Variants in MACROD2 observed in about 807,000 individuals in gnomAD.
MACROD2 encodes ADP-ribose glycohydrolase MACROD2.
MACROD2 carries 36 observed loss-of-function variants against 70.4 expected under a neutral mutation model. The observed-to-expected ratio is 0.51, with a 90% CI of 0.39 to 0.68. The LOEUF is 0.68. MACROD2 is among the 30% of genes least tolerant of loss of function. MACROD2 has a pLI of 0.00. For missense variants in MACROD2, 496 were observed against 538.4 expected, an observed-to-expected ratio of 0.92 and a Z score of 0.78; for synonymous variants, 172 against 178.8, an observed-to-expected ratio of 0.96 and a Z score of 0.30.
chr20:15,582,097 G>A (rs2048532862), intron 8 of MACROD2, among the ~76,000 whole-genome samples: 2 of 151,298 alleles, frequency 1.3e-5, no homozygotes, highest in African/African-American at 2.4e-5. Context: ...ACTCCAGCCT[G>A]GGCGACAGTG....
At chr20:14,398,120 C>T (rs1433909923) in intron 3 of MACROD2, among the ~76,000 whole-genome samples, 4 of 151,996 alleles carry the variant, frequency 2.6e-5, no homozygotes, top group Non-Finnish European at 5.9e-5. Flanking sequence ...GTGTATGTAT[C>T]AATCACATTT....
At chr20:14,013,573 G>C (rs1325677687) in intron 2 of MACROD2, among the ~76,000 whole-genome samples, 1 of 151,490 alleles carries the variant, frequency 6.6e-6, no homozygotes, top group Non-Finnish European at 1.5e-5. Flanking sequence ...TGCCCAGCTG[G>C]CTCAACTGTA....
chr20:15,850,007 A>G (rs2064278615), intron 8 of MACROD2, among the ~76,000 whole-genome samples: 1 of 152,210 alleles, frequency 6.6e-6, no homozygotes, highest in African/African-American at 2.4e-5. Context: ...CCCGTACCTT[A>G]TCGGAGTGAG....
chr20:15,793,080 G>A (rs955114515), intron 8 of MACROD2, among the ~76,000 whole-genome samples: 3 of 151,984 alleles, frequency 2.0e-5, no homozygotes, highest in Non-Finnish European at 4.4e-5. Flanking sequence ...TTAAAGTGAC[G>A]ATCACTGTGT....
At chr20:15,097,972 A>G (rs2075846315) in intron 5 of MACROD2, among the ~76,000 whole-genome samples, 2 of 152,172 alleles carry the variant, frequency 1.3e-5, no homozygotes, top group African/African-American at 4.8e-5. Context: ...TCTTTATGTT[A>G]CTTATCACAA....
chr20:15,345,184 G>C (rs562321400), intron 6 of MACROD2, among the ~76,000 whole-genome samples: 2 of 152,154 alleles, frequency 1.3e-5, no homozygotes, highest in Non-Finnish European at 2.9e-5. Context: ...ATGCCATCAC[G>C]TTAGGGGAAG....
Position 13,995,750 on chromosome 20 carries a change from A to G in MACROD2, c.-14A>G. 7.3e-7 allele frequency: 1 copy of G among 1,367,260 alleles called. No individual in the cohort carries two copies. The highest frequency in any genetic ancestry group is 9.7e-7 in the Non-Finnish European group (1 of 1,026,254). 84.7% of individuals were successfully genotyped at this position (1,367,260 alleles called of 1,614,324 possible). On this transcript the variant is annotated 5_prime_UTR_variant, in exon 1 of 18. Transcript: ENST00000684519. The surrounding 1 kb of genome is among the most constrained non-coding windows in gnomAD (Gnocchi z 4.3). ...GGGAACTTGCAGCTTAAAGCCAGCC[A>G]CCCCCACGGCAACATGTACCCCAGC...
chr20:15,806,002 T>G lies in MACROD2; in HGVS notation c.646-56743T>G, dbSNP rs182198673. On this transcript the variant is annotated intron_variant, in intron 8 of 17. Transcript: ENST00000684519. ...AGAATTTCCTGAAGCAACCTTACAG[T>G]TCATCAGAATAGGGCTCATTTCTCC... Among the ~76,000 whole-genome samples the G allele has an allele frequency of 8.5e-5, 13 of 152,316 alleles. No homozygotes were observed. In the East Asian group the frequency reaches 2.5e-3, roughly 29 times the overall value.
intron 6 of MACROD2, among the ~76,000 whole-genome samples, chr20:15,236,238 G>A (rs1046966229): frequency 2.0e-5 from 3 of 152,164 alleles, no homozygotes; most frequent in Non-Finnish European, 4.4e-5. Flanking sequence ...TCCTCAGAGG[G>A]CACAGAGGTA....
intron 7 of MACROD2, among the ~76,000 whole-genome samples, chr20:15,446,202 C>T (rs1392537000): frequency 6.6e-6 from 1 of 152,130 alleles, no homozygotes; most frequent in African/African-American, 2.4e-5. Flanking sequence ...CACCTTCAGC[C>T]ATTGGGTTCA....
intron 5 of MACROD2, among the ~76,000 whole-genome samples, chr20:14,746,419 A>C (rs1251220506): frequency 6.6e-6 from 1 of 152,178 alleles, no homozygotes. Flanking sequence ...CAAATAGTTT[A>C]GTGTAAAAGG....
intron 5 of MACROD2, among the ~76,000 whole-genome samples, chr20:15,045,738 T>G (rs1019892894): frequency 2.0e-5 from 3 of 147,122 alleles, no homozygotes; most frequent in East Asian, 2.0e-4. Context: ...TTTTTTTTTT[T>G]TTTTTTCCCT....
At chr20:15,701,421 C>A (rs990664832) in intron 8 of MACROD2, among the ~76,000 whole-genome samples, 1 of 152,104 alleles carries the variant, frequency 6.6e-6, no homozygotes, top group Non-Finnish European at 1.5e-5. Flanking sequence ...ATTCTACTTT[C>A]AATTATTCGT....
At chr20:16,018,151 C>T (rs969324078) in intron 15 of MACROD2, among the ~76,000 whole-genome samples, 13 of 152,114 alleles carry the variant, frequency 8.5e-5, no homozygotes, top group African/African-American at 3.1e-4. Flanking sequence ...TATGAGATGG[C>T]TCAGGAAGGC....
At chr20:15,957,010 A>G (rs1278668284) in intron 12 of MACROD2, among the ~76,000 whole-genome samples, 2 of 152,210 alleles carry the variant, frequency 1.3e-5, no homozygotes, top group Non-Finnish European at 2.9e-5. Context: ...CACAAACGTA[A>G]TGTTGTGCAA....
intron 5 of MACROD2, among the ~76,000 whole-genome samples, chr20:15,194,758 A>G (rs775016370): frequency 1.2e-4 from 18 of 151,978 alleles, no homozygotes; most frequent in Non-Finnish European, 2.1e-4. Context: ...TATTTTTTTC[A>G]CTAATTTCTG....
At chr20:14,319,393 G>T (rs1323023144) in intron 3 of MACROD2, among the ~76,000 whole-genome samples, 1 of 152,086 alleles carries the variant, frequency 6.6e-6, no homozygotes, top group African/African-American at 2.4e-5. Flanking sequence ...CTTCATTGTA[G>T]ATTCCTCTCA....
intron 2 of MACROD2, among the ~76,000 whole-genome samples, chr20:14,040,088 T>A (rs1411095523): frequency 6.6e-6 from 1 of 152,112 alleles, no homozygotes. Context: ...GATAGCAAAT[T>A]AAGTACAGTC....
intron 8 of MACROD2, among the ~76,000 whole-genome samples, chr20:15,616,782 G>A (rs1333577397): frequency 6.6e-6 from 1 of 152,128 alleles, no homozygotes; most frequent in East Asian, 1.9e-4. Flanking sequence ...ATGGTATTCT[G>A]GGCTTTGTCA....
Sources: gnomAD v4.1 joint callset for allele counts (sites outside exome capture counted in the v4.1 genomes callset) on GRCh38, gnomAD v4.1.1 for gene constraint, Gnocchi (gnomAD v3.1) non-coding constraint, MANE v1.5 for transcripts, NCBI Gene and HGNC (gene_info 2026-07-23, HGNC 2026-07-21) for gene names.